LPAR6: variants seen among roughly 807,000 people sequenced by gnomAD.
LPAR6 encodes the protein lysophosphatidic acid receptor 6, also known as G-protein coupled purinergic receptor P2Y5.
Under a neutral mutation model 22.0 loss-of-function variants are expected in LPAR6, and 17 were observed. That is an observed-to-expected ratio of 0.77 (90% CI 0.53 to 1.16). The LOEUF is 1.16. Among genes scored for constraint, LPAR6 ranks in the 50% most tolerant of loss-of-function variants. The pLI is 0.00. For missense variants in LPAR6, 384 were observed against 406.9 expected (o/e 0.94, Z 0.48); for synonymous variants, 136 against 139.8 (o/e 0.97, Z 0.19).
intron 2 of LPAR6, among the ~76,000 whole-genome samples, chr13:48,422,479 C>T (rs1277457774): frequency 2.0e-5 from 3 of 152,124 alleles, no homozygotes; most frequent in Admixed American, 6.6e-5. Flanking sequence ...CAAACCTGCA[C>T]GTTCTGCACA....
At chr13:48,401,860 T>G (rs1225036120) in intron 1 of LPAR6, among the ~76,000 whole-genome samples, 1 of 152,206 alleles carries the variant, frequency 6.6e-6, no homozygotes, top group African/African-American at 2.4e-5. Flanking sequence ...CAAATTTATC[T>G]TTAAGATTTT....
chr13:48,412,716 T>C lies in LPAR6; in HGVS notation c.-293A>G. 2.2e-6 allele frequency: 1 copy of C among 455,138 alleles called. No homozygotes were observed. The highest frequency in any genetic ancestry group is 4.2e-6 in the Non-Finnish European group (1 of 239,916). 28.2% of individuals were successfully genotyped at this position (455,138 alleles called of 1,614,324 possible). The stretch of plus-strand genomic sequence containing the variant: ...GACGAGCAACCTTTAAAAAATACAG[T>C]CAACGAGTCCAACCCATAGGATTAT... On this transcript the variant is annotated 5_prime_UTR_variant, in exon 1 of 1. It removes the in-frame stop codon of an upstream open reading frame in the 5' UTR. Coordinates refer to ENST00000620633, the MANE Select transcript of LPAR6 (RefSeq NM_001162498.3).
At chr13:48,434,997 T>C (rs1429210089) in intron 1 of LPAR6, among the ~76,000 whole-genome samples, 1 of 152,242 alleles carries the variant, frequency 6.6e-6, no homozygotes, top group Admixed American at 6.5e-5. Context: ...TTCTAGTTTT[T>C]GGCTATCACA....
chr13:48,399,380 G>C (rs557962849), intron 1 of LPAR6, among the ~76,000 whole-genome samples: 51 of 152,102 alleles, frequency 3.4e-4, no homozygotes, highest in African/African-American at 1.1e-3. Context: ...TTTTCTGCTA[G>C]TGAACTAATA....
chr13:48,422,487 A>G lies in LPAR6; in HGVS notation c.-954+163T>C, dbSNP rs555214943. Among the ~76,000 whole-genome samples the G allele has an allele frequency of 2.6e-4, 39 of 152,328 alleles. No individual in the cohort carries two copies. The South Asian group carries it at 6.6e-3, about 26-fold the overall frequency. On this transcript the variant is annotated intron_variant, in intron 2 of 4. Transcript: ENST00000345941. ...TATGTAACAAACCTGCACGTTCTGC[A>G]CATGTATCCCAATACTTAAAGTATA...
upstream of LPAR6, chr13:48,429,549 C>T (rs1385026091): frequency 2.6e-5 from 4 of 151,674 alleles, no homozygotes. Context: ...CATAAACCCA[C>T]ATTATTGGTG....
At chr13:48,441,633 T>G (rs1949237720) in intron 1 of LPAR6, among the ~76,000 whole-genome samples, 1 of 152,134 alleles carries the variant, frequency 6.6e-6, no homozygotes, top group Non-Finnish European at 1.5e-5. Context: ...TTGTTTAATT[T>G]TTAAGTGTTA....
rs1047764099 is a variant in LPAR6, at chr13:48,398,234, A to T, written n.115-8422T>A. Among the ~76,000 whole-genome samples the T allele has an allele frequency of 2.9e-5, 4 of 138,524 alleles. No individual in the cohort carries two copies. The East Asian group carries it at 7.7e-4, about 27-fold the overall frequency. 90.9% of individuals were successfully genotyped at this position (138,524 alleles called of 152,430 possible). On this transcript the variant is annotated intron_variant and non_coding_transcript_variant, in intron 1 of 1. Coordinates refer to the LPAR6 transcript ENST00000462781. ...AGAGGAAACATTTTATTTTAATTTT[A>T]AAAAATTCAATTCTGAAAACATAGC...
chr13:48,430,233 A>C (rs116868871), upstream of LPAR6, among the ~76,000 whole-genome samples: 56 of 152,352 alleles, frequency 3.7e-4, no homozygotes, highest in East Asian at 0.011. Context: ...TTAATGTATG[A>C]TAATTTATCC....
Position 48,412,490 on chromosome 13 carries a change from G to T in LPAR6, c.-67C>A. 2 of 1,004,154 alleles carry T rather than the reference G, an allele frequency of 2.0e-6. No individual in the cohort carries two copies. Among genetic ancestry groups the T allele is most frequent in the Non-Finnish European group, 3.2e-6 (2 of 622,692 alleles). The allele number at this position is 1,004,154 out of a possible 1,614,324, so 62.2% of individuals were successfully genotyped here. On this transcript the variant is annotated 5_prime_UTR_variant, in exon 1 of 1. The change creates a new upstream start codon in the 5' untranslated region. Transcript: ENST00000620633. ...CAGCTGCAGTCTCCTTTGGGATTCA[G>T]ATTATAACCTCTATAACCTCCAATT...
At chr13:48,414,858 A>G (rs548641596), upstream of LPAR6, among the ~76,000 whole-genome samples, 3 of 152,350 alleles carry the variant, frequency 2.0e-5, no homozygotes, top group South Asian at 2.1e-4. Context: ...CACATTTGGT[A>G]TAGAAAAGAT....
At chr13:48,439,517 A>G (rs1196002972) in intron 1 of LPAR6, 2 of 152,208 alleles carry the variant, frequency 1.3e-5, no homozygotes, top group East Asian at 3.8e-4. Context: ...CAGTCCACAC[A>G]ACATTTTTGC....
upstream of LPAR6, among the ~76,000 whole-genome samples, chr13:48,428,710 A>C (rs1482325799): frequency 2.0e-5 from 3 of 152,202 alleles, no homozygotes; most frequent in Non-Finnish European, 2.9e-5. Flanking sequence ...ACCATCCTTC[A>C]TTTTTAGCTT....
At chr13:48,390,013 G>A (rs1383900155) in intron 1 of LPAR6, among the ~76,000 whole-genome samples, 1 of 152,052 alleles carries the variant, frequency 6.6e-6, no homozygotes, top group Non-Finnish European at 1.5e-5. Flanking sequence ...AATTAGCCAG[G>A]TGTGGTGGCA....
chr13:48,415,744 T>G (rs1948897987), upstream of LPAR6: 1 of 152,228 alleles, frequency 6.6e-6, no homozygotes, highest in Non-Finnish European at 1.5e-5. Flanking sequence ...TGTTTGCTGA[T>G]GAATGAATCA....
chr13:48,412,614 C>T lies in LPAR6; in HGVS notation c.-191G>A, dbSNP rs146822744. 384 of 615,368 alleles carry T rather than the reference C, an allele frequency of 6.2e-4. 2 individuals are homozygous for T. The Middle Eastern group carries it at 9.2e-3, about 15-fold the overall frequency. The allele number at this position is 615,368 out of a possible 1,614,324, so 38.1% of individuals were successfully genotyped here. A position where few individuals can be genotyped will look rare whatever the true frequency, so the allele number is the denominator to read the frequency against. ...ATGAAATTTGTTGCTGTAAAATTTC[C>T]GCTGGGTTCTTCAACAGGAAAATAT... On this transcript the variant is annotated 5_prime_UTR_variant, in exon 1 of 1. Transcript: ENST00000620633.
At chr13:48,401,471 G>A (rs1368448570) in intron 1 of LPAR6, 1 of 152,062 alleles carries the variant, frequency 6.6e-6, no homozygotes. Flanking sequence ...ACTACTCTAA[G>A]GCAATTATGC....
chr13:48,425,012 C>T (rs950574045), intron 1 of LPAR6, among the ~76,000 whole-genome samples: 1 of 151,768 alleles, frequency 6.6e-6, no homozygotes, highest in Admixed American at 6.6e-5. Flanking sequence ...GAGATCATGC[C>T]ACTGCACTCC....
chr13:48,419,500 T>C (rs758778683), intron 2 of LPAR6, among the ~76,000 whole-genome samples: 5 of 151,988 alleles, frequency 3.3e-5, no homozygotes, highest in African/African-American at 4.8e-5. Context: ...AGCAAACTAA[T>C]TCAAAAGCTA....
Sources: allele counts gnomAD v4.1 joint callset (sites outside exome capture counted in the v4.1 genomes callset), GRCh38; gene constraint gnomAD v4.1.1; transcripts MANE v1.5; gene names NCBI Gene and HGNC (gene_info 2026-07-23, HGNC 2026-07-21).